ILDR2: variants seen among roughly 807,000 people sequenced by gnomAD.
ILDR2 encodes immunoglobulin-like domain-containing receptor 2.
ILDR2 carries 25 observed loss-of-function variants against 66.8 expected under a neutral mutation model. That is an observed-to-expected ratio of 0.37 (90% CI 0.27 to 0.52). The LOEUF is 0.52. ILDR2 is among the 20% of genes least tolerant of loss of function. The pLI is 0.88. For missense variants in ILDR2, 827 were observed against 876.8 expected (o/e 0.94, Z 0.72); for synonymous variants, 367 against 357.2 (o/e 1.03, Z -0.31).
intron 7 of ILDR2, among the ~76,000 whole-genome samples, chr1:166,925,073 A>C (rs114085329): frequency 6.6e-6 from 1 of 152,244 alleles, no homozygotes; most frequent in Non-Finnish European, 1.5e-5. Flanking sequence ...TGAGCCCTAT[A>C]CTAGAACTTC....
In ILDR2 at chr1:166,925,672, C is replaced by G. The variant is rs1322606407; in HGVS notation, c.994+1395G>C. 2.6e-5 allele frequency among the ~76,000 whole-genome samples: 4 copies of G among 152,142 alleles called. No individual in the cohort carries two copies. The East Asian group carries it at 7.7e-4, about 29-fold the overall frequency. On this transcript the variant is annotated intron_variant, in intron 7 of 9. Transcript: ENST00000271417. ...TGGTCCTAATTGTGTCACCGCATCC[C>G]TAGGCTTCTGTTTCCTCACCTGCAC...
At chr1:166,898,291 T>A (rs1208561264) in intron 2 of ILDR2, among the ~76,000 whole-genome samples, 1 of 152,190 alleles carries the variant, frequency 6.6e-6, no homozygotes, top group Non-Finnish European at 1.5e-5. Context: ...ATACAGGATG[T>A]TGAAATAGAA....
rs1557921285 is a variant in ILDR2 at position 166,909,760 on chromosome 1, A to ATAT, written c.*9594_*9595insATA. Reference sequence around the variant, plus strand: ...ACATATATATATATATATATATATAAATATATATAAATATATATATTTATA... The same window carrying ATAT: ...ACATATATATATATATATATATATAATATATATATATAAATATATATATTTATA... On this transcript the variant is annotated 3_prime_UTR_variant, in exon 10 of 10. Transcript: ENST00000271417. The ATAT allele has an allele frequency of 1.1e-3, 70 of 62,718 alleles. No homozygotes were observed. The highest frequency in any genetic ancestry group is 5.3e-3 in the African/African-American group (66 of 12,356). The allele number at this position is 62,718 out of a possible 1,614,324, so 3.9% of individuals were successfully genotyped here.
downstream of ILDR2, among the ~76,000 whole-genome samples, chr1:166,903,600 A>T (rs1202982633): frequency 6.6e-6 from 1 of 152,230 alleles, no homozygotes; most frequent in Non-Finnish European, 1.5e-5. Context: ...AAGGACAAAA[A>T]AGAGAAGAGA....
rs114382364 is a variant in ILDR2, at chr1:166,916,030, T to A, written c.*3325A>T. On this transcript the variant is annotated 3_prime_UTR_variant, in exon 10 of 10. Coordinates refer to ENST00000271417, the MANE Select transcript of ILDR2 (RefSeq NM_199351.3). ...CAGGTCCATGGCCATTGTCTCCAAC[T>A]TCCTAATGAATCCATGCATGGCCTA... The A allele has an allele frequency of 2.9e-3, 437 of 152,330 alleles. 2 individuals carry two copies. The highest frequency in any genetic ancestry group is 4.8e-3 in the Admixed American group (73 of 15,288). 9.4% of individuals were successfully genotyped at this position (152,330 alleles called of 1,614,324 possible). A position where few individuals can be genotyped will look rare whatever the true frequency, so the allele number is the denominator to read the frequency against.
chr1:166,904,963 T>C (rs111386174), downstream of ILDR2, among the ~76,000 whole-genome samples: 1,044 of 152,148 alleles, frequency 6.9e-3, 6 homozygotes, highest in African/African-American at 0.023. Flanking sequence ...AAAGAAAAAA[T>C]CCCTTTGTGC....
intron 1 of ILDR2, among the ~76,000 whole-genome samples, chr1:166,966,989 CATCCATCTGTAG>C (rs1662992528): frequency 6.6e-6 from 1 of 152,250 alleles, no homozygotes; most frequent in South Asian, 2.1e-4. Flanking sequence ...ACCTCAAACT[CATCCATCTGTAG>C]ATGGAGACAC....
intron 1 of ILDR2, among the ~76,000 whole-genome samples, chr1:166,971,864 C>G (rs888638156): frequency 2.6e-5 from 4 of 152,124 alleles, no homozygotes; most frequent in Non-Finnish European, 5.9e-5. Flanking sequence ...ACTTAGAAAT[C>G]ACAGGAATTT....
intron 1 of ILDR2, among the ~76,000 whole-genome samples, chr1:166,973,615 C>CCG (rs1553233615): frequency 1.2e-5 from 1 of 85,048 alleles, no homozygotes; most frequent in Non-Finnish European, 2.2e-5. Flanking sequence ...GGACCCCTCC[C>CCG]CCCCCCCCCC....
chr1:166,938,590 G>A (rs1661122909), intron 4 of ILDR2, among the ~76,000 whole-genome samples: 3 of 152,196 alleles, frequency 2.0e-5, no homozygotes, highest in Non-Finnish European at 4.4e-5. Context: ...GCCACCTAAT[G>A]GAAAGGGACT....
At chr1:166,943,556 A>C (rs903963976) in intron 3 of ILDR2, among the ~76,000 whole-genome samples, 2 of 150,336 alleles carry the variant, frequency 1.3e-5, no homozygotes, top group African/African-American at 4.9e-5. Context: ...ATTTTATTGG[A>C]GCTAAAGGCA....
chr1:166,896,204 C>A (rs865885503), intron 2 of ILDR2: 4 of 152,506 alleles, frequency 2.6e-5, no homozygotes, highest in African/African-American at 9.7e-5. Context: ...AGAGAAGGAA[C>A]TTTTAAGGCA....
At chr1:166,930,231 G>C (rs984351294) in intron 6 of ILDR2, among the ~76,000 whole-genome samples, 1 of 152,126 alleles carries the variant, frequency 6.6e-6, no homozygotes, top group Non-Finnish European at 1.5e-5. Context: ...ATACAGATTT[G>C]ATTGTGTATG....
Position 166,918,041 on chromosome 1 carries a change from A to T in ILDR2, c.*1314T>A, listed in dbSNP as rs1373664867. ...CCAACTCCAGATTCAAGGGGTTGGA[A>T]AAAAGATGGCACCTCTTGATGAGAA... On this transcript the variant is annotated 3_prime_UTR_variant, in exon 10 of 10. Transcript: ENST00000271417. 1 of 152,226 alleles carries T rather than the reference A, an allele frequency of 6.6e-6. No homozygotes were observed. Among genetic ancestry groups the T allele is most frequent in the Non-Finnish European group, 1.5e-5 (1 of 68,030 alleles). The allele number at this position is 152,226 out of a possible 1,614,324, so 9.4% of individuals were successfully genotyped here. A position where few individuals can be genotyped will look rare whatever the true frequency, so the allele number is the denominator to read the frequency against.
intron 2 of ILDR2, among the ~76,000 whole-genome samples, chr1:166,901,192 C>T (rs1170964658): frequency 6.6e-6 from 1 of 152,206 alleles, no homozygotes; most frequent in Admixed American, 6.5e-5. Context: ...GAGCATGCCT[C>T]AAATGCTCCA....
rs1006646853 is a variant in ILDR2, at chr1:166,917,658, A to C, written c.*1697T>G. ...GAGGTTCAGGGATGAACATTCAGAC[A>C]AGAACGAGTCAGGTTTGTTCTTAAA... On this transcript the variant is annotated 3_prime_UTR_variant, in exon 10 of 10. Coordinates refer to ENST00000271417, the MANE Select transcript of ILDR2 (RefSeq NM_199351.3). 6.6e-6 allele frequency: 1 copy of C among 152,248 alleles called. No individual in the cohort carries two copies. Among genetic ancestry groups the C allele is most frequent in the Non-Finnish European group, 1.5e-5 (1 of 68,044 alleles). 9.4% of individuals were successfully genotyped at this position (152,248 alleles called of 1,614,324 possible). A position where few individuals can be genotyped will look rare whatever the true frequency, so the allele number is the denominator to read the frequency against.
chr1:166,953,461 T>G (rs968219857), intron 3 of ILDR2, among the ~76,000 whole-genome samples: 1 of 152,216 alleles, frequency 6.6e-6, no homozygotes, highest in Non-Finnish European at 1.5e-5. Flanking sequence ...CTTTTCTTAC[T>G]AATTAATCTT....
intron 7 of ILDR2, 105 bp from the exon 8 acceptor site, chr1:166,922,914 G>A: frequency 1.1e-6 from 1 of 935,922 alleles, no homozygotes; most frequent in Non-Finnish European, 1.7e-6. Flanking sequence ...GGAAACTCCT[G>A]CCTCATTGCT....
At chr1:166,929,113 G>A (rs1164220735) in intron 6 of ILDR2, among the ~76,000 whole-genome samples, 1 of 152,198 alleles carries the variant, frequency 6.6e-6, no homozygotes, top group Non-Finnish European at 1.5e-5. Flanking sequence ...GGCATGCAGT[G>A]CTATTTATTG....
Sources: gnomAD v4.1 joint callset for allele counts (sites outside exome capture counted in the v4.1 genomes callset) on GRCh38, gnomAD v4.1.1 for gene constraint, MANE v1.5 for transcripts, NCBI Gene and HGNC (gene_info 2026-07-23, HGNC 2026-07-21) for gene names.